SF3B2: variants seen among roughly 807,000 people sequenced by gnomAD.
The protein encoded by SF3B2 is splicing factor 3b subunit 2.
In SF3B2, 22 loss-of-function variants were observed where a neutral mutation model predicts 116.3. The ratio of observed to expected loss-of-function variants is 0.19; its 90% CI spans 0.14 to 0.27. The LOEUF is 0.27. SF3B2 is among the 10% of genes least tolerant of loss of function. SF3B2 has a pLI of 1.00. For synonymous variants in SF3B2, 406 were observed against 421.6 expected, an observed-to-expected ratio of 0.96 and a Z score of 0.45; for missense variants, 767 against 1,151.4, an observed-to-expected ratio of 0.67 and a Z score of 4.83.
rs1857247336 is a variant in SF3B2 at position 66,069,300 on chromosome 11, C to CT, written c.*557dup. On this transcript the variant is annotated 3_prime_UTR_variant, in exon 22 of 22. Transcript: ENST00000322535. Reference sequence around the variant, plus strand: ...CAACATAGCTCAAAAGCTAAATTGTCTTGAGTCCATATGAACCCTTGGGTT... The same window carrying CT: ...CAACATAGCTCAAAAGCTAAATTGTCTTTGAGTCCATATGAACCCTTGGGTT... 2.3e-6 allele frequency: 1 copy of CT among 441,120 alleles called. No individual in the cohort carries two copies. The highest frequency in any genetic ancestry group is 4.7e-6 in the Non-Finnish European group (1 of 215,034). The allele number at this position is 441,120 out of a possible 1,614,324, so 27.3% of individuals were successfully genotyped here.
chr11:66,068,443 T>C, intron 21 of SF3B2, 110 bp downstream of exon 21: 1 of 1,136,566 alleles, frequency 8.8e-7, no homozygotes, highest in Non-Finnish European at 1.2e-6. Flanking sequence ...CTCTGCTTGC[T>C]GCTCTGTGCT....
In SF3B2 at chr11:66,058,918, A is replaced by C; in HGVS notation, c.1055A>C (p.Lys352Thr). Residue 352 changes from lysine to threonine, a missense_variant, in exon 10 of 22, where the codon AAA becomes ACA. By Grantham distance (78) the Lys-to-Thr change is moderately conservative. This residue lies in a region of SF3B2 where 455 missense variants were observed against 537.5 expected (regional missense o/e 0.85). Transcript: ENST00000322535. ...TCTGAGAGCTCTGGGGACCGGGAGAAAGACTCAACCCGGTCCCGTGGCTCT... is the reference window on the plus strand; with the variant it reads ...TCTGAGAGCTCTGGGGACCGGGAGACAGACTCAACCCGGTCCCGTGGCTCT... ...VSSESSGDRE[K>T]DSTRSRGSDS... 6.2e-7 allele frequency: 1 copy of C among 1,614,154 alleles called. No homozygotes were observed. The highest frequency in any genetic ancestry group is 8.5e-7 in the Non-Finnish European group (1 of 1,180,024).
In SF3B2 at chr11:66,059,209, T is replaced by C; in HGVS notation, c.1191T>C (p.Asp397=). 1 of 1,613,938 alleles carries C rather than the reference T, an allele frequency of 6.2e-7. No homozygotes were observed. The highest frequency in any genetic ancestry group is 8.5e-7 in the Non-Finnish European group (1 of 1,180,006). ...CTTGTCTGCCTCCTTAGCTCACTGA[T>C]GATGTGAAGAAGGAGAAAGAGAAGG... ...KRIFEAFKLT[D]DVKKEKEKEP... is the part of the protein sequence containing the mutation. Residue 397 remains aspartate (D), a synonymous_variant, in exon 11 of 22, where the codon GAT becomes GAC. Transcript: ENST00000322535. The surrounding 1 kb of genome is among the most constrained non-coding windows in gnomAD (Gnocchi z 5.0).
At chr11:66,056,151 T>G (rs1017491365) in intron 5 of SF3B2, among the ~76,000 whole-genome samples, 1 of 152,134 alleles carries the variant, frequency 6.6e-6, no homozygotes, top group African/African-American at 2.4e-5. Context: ...CCTGTAATCC[T>G]AGCACTTTGG....
At chr11:66,068,513 G>A (rs551850567) in intron 21 of SF3B2, 161 bp from the exon 22 acceptor site, 4 of 852,404 alleles carry the variant, frequency 4.7e-6, no homozygotes, top group Admixed American at 5.7e-5. Context: ...AGGACGATGA[G>A]GGGGAGGAAC....
chr11:66,066,580 G>C (rs757907050), intron 19 of SF3B2: 6 of 152,200 alleles, frequency 3.9e-5, no homozygotes, highest in Non-Finnish European at 8.8e-5. Context: ...GATCCTTTCA[G>C]GTCTTGTTTT....
At chr11:66,058,594 C>T (rs1857044172) in intron 9 of SF3B2, 189 bp downstream of exon 9, 1 of 629,440 alleles carries the variant, frequency 1.6e-6, no homozygotes, top group Non-Finnish European at 2.8e-6. Context: ...CATTTTACAG[C>T]TGAAAAAGCA....
At position 66,068,697 on chromosome 11, in the gene SF3B2, C is replaced by G; in HGVS notation, c.2640C>G (p.Pro880=). The G allele has an allele frequency of 6.2e-7, 1 of 1,614,076 alleles. No individual in the cohort carries two copies. The change falls in exon 22 of 22, where the codon CCC becomes CCG. Residue 880 remains proline (P), a synonymous_variant. Transcript: ENST00000322535. The part of the protein sequence containing the change: ...KQKQKKRKAQ[P]QDSRGGSKKY... ...AGCAAAAAAAACGGAAAGCTCAGCC[C>G]CAGGACAGCCGTGGGGGCAGCAAGA...
Position 66,068,695 on chromosome 11 carries a change from C to T in SF3B2, c.2638C>T (p.Pro880Ser). ...ACAGCAAAAAAAACGGAAAGCTCAG[C>T]CCCAGGACAGCCGTGGGGGCAGCAA... ...KQKQKKRKAQPQDSRGGSKKY... is the reference protein window; with the variant it reads ...KQKQKKRKAQSQDSRGGSKKY... Residue 880 changes from proline (P) to serine (S), a missense_variant, in exon 22 of 22, where the codon CCC (proline) becomes TCC (serine). By Grantham distance (74) the Pro-to-Ser change is moderately conservative. Coordinates refer to ENST00000322535, the MANE Select transcript of SF3B2 (RefSeq NM_006842.3). The T allele has an allele frequency of 6.2e-7, 1 of 1,614,112 alleles. No individual in the cohort carries two copies.
chr11:66,052,829 G>T, intron 2 of SF3B2, 110 bp downstream of exon 2: 3 of 1,347,512 alleles, frequency 2.2e-6, no homozygotes, highest in Non-Finnish European at 3.1e-6. Context: ...CAGCAAGGCG[G>T]AGGCTTGCCC....
At chr11:66,052,776 T>A in intron 2 of SF3B2, 57 bp downstream of exon 2, 1 of 1,508,584 alleles carries the variant, frequency 6.6e-7, no homozygotes, top group Non-Finnish European at 8.9e-7. Flanking sequence ...AGACCTTATA[T>A]ACCCCATCAC....
intron 15 of SF3B2, 57 bp downstream of exon 15, chr11:66,061,832 G>C: frequency 1.2e-6 from 2 of 1,603,844 alleles, no homozygotes; most frequent in Non-Finnish European, 8.5e-7. Context: ...GGATTGGAGT[G>C]GAAGGCAGAG....
chr11:66,056,780 A>G (rs1434250344), intron 5 of SF3B2, 58 bp from the exon 6 acceptor site: 8 of 1,327,666 alleles, frequency 6.0e-6, no homozygotes, highest in South Asian at 1.2e-5. Flanking sequence ...TGCATTTGCC[A>G]GGGGCTGCCT....
chr11:66,063,135 C>A lies in SF3B2; in HGVS notation c.2085+19C>A. ...ATTTCAGGTATGGGCCATGTACTAG[C>A]GATCTTGGTTTTACTTAATGTCATG... is the stretch of plus-strand genomic sequence containing the variant. On this transcript the variant is annotated intron_variant, in intron 17 of 21. Coordinates refer to ENST00000322535, the MANE Select transcript of SF3B2 (RefSeq NM_006842.3). The A allele has an allele frequency of 6.4e-7, 1 of 1,563,212 alleles. No individual in the cohort carries two copies. The highest frequency in any genetic ancestry group is 2.2e-5 in the East Asian group (1 of 44,486).
chr11:66,063,758 G>A (rs1857134861), intron 19 of SF3B2, 29 bp downstream of exon 19: 2 of 1,534,074 alleles, frequency 1.3e-6, no homozygotes, highest in Non-Finnish European at 1.8e-6. Context: ...GCTGAGAGGG[G>A]AGGACCTTCA....
intron 16 of SF3B2, 77 bp from the exon 17 acceptor site, chr11:66,062,932 G>T: frequency 2.3e-6 from 2 of 880,446 alleles, no homozygotes; most frequent in Admixed American, 2.5e-5. Context: ...CTGTACTTTT[G>T]AGTGTGCCTT....
chr11:66,060,727 A>G lies in SF3B2; in HGVS notation c.1775A>G (p.Tyr592Cys), dbSNP rs1445417419. The change falls in exon 14 of 22, where the codon TAT (tyrosine) becomes TGT (cysteine). Residue 592 changes from tyrosine (Y) to cysteine (C), a missense_variant. This residue lies in a region of SF3B2 where 282 missense variants were observed against 568.0 expected (regional missense o/e 0.50). Coordinates refer to ENST00000322535, the MANE Select transcript of SF3B2 (RefSeq NM_006842.3). ...CTGACCATCCATGGGGACCTGTACT[A>G]TGAGGTTCGGGAGGGGGCTGGGAGA... Reference protein sequence around the residue: ...PKLTIHGDLYYEGKEFETRLK... With the variant: ...PKLTIHGDLYCEGKEFETRLK... 5 of 1,614,086 alleles carry G rather than the reference A, an allele frequency of 3.1e-6. No homozygotes were observed. The highest frequency in any genetic ancestry group is 1.1e-5 in the South Asian group (1 of 91,080).
Position 66,064,052 on chromosome 11 carries a change from A to T in SF3B2, c.2330+323A>T, listed in dbSNP as rs796602750. 1.1e-4 allele frequency among the ~76,000 whole-genome samples: 17 copies of T among 152,358 alleles called. No individual in the cohort carries two copies. The East Asian group carries it at 2.9e-3, about 26-fold the overall frequency. On this transcript the variant is annotated intron_variant, in intron 19 of 21. Transcript: ENST00000322535. ...ATGAAAAAGCGCCAGCCACAGGATC[A>T]TCTGGGTCAGAAGTAACAGTAAATG...
chr11:66,059,746 G>A lies in SF3B2; in HGVS notation c.1402-36G>A, dbSNP rs1272335561. ...AAGAGCTTCAGAACTGAGAAGTCGG[G>A]GCTCTCGAGAACACGCATTACTATG... On this transcript the variant is annotated intron_variant, in intron 12 of 21. Transcript: ENST00000322535. This position sits in a 1 kb window ranked among gnomAD's most constrained non-coding sequence, Gnocchi z 5.0. The A allele has an allele frequency of 6.2e-7, 1 of 1,610,186 alleles. No individual in the cohort carries two copies.
Sources: allele counts gnomAD v4.1 joint callset (sites outside exome capture counted in the v4.1 genomes callset), GRCh38; gene constraint gnomAD v4.1.1; regional missense constraint gnomAD v4.1.1; non-coding constraint Gnocchi (gnomAD v3.1); transcripts MANE v1.5; gene names NCBI Gene and HGNC (gene_info 2026-07-23, HGNC 2026-07-21).